Variants in RBFOX1 observed in about 807,000 individuals in gnomAD.
RBFOX1 encodes RNA binding protein fox-1 homolog 1.
In RBFOX1, 8 loss-of-function variants were observed where a neutral mutation model predicts 57.7. The observed-to-expected ratio is 0.14, with a 90% CI of 0.08 to 0.25. The LOEUF (loss-of-function observed/expected upper bound fraction) is 0.25, where lower values mean the gene tolerates loss of function less well. Ranked by LOEUF, RBFOX1 falls within the 10% of genes least tolerant of loss-of-function variation. The probability of loss-of-function intolerance (pLI) is 1.00; values close to 1 mark genes in which losing one functional copy is unlikely to be tolerated. For synonymous variants in RBFOX1, 326 were observed against 222.4 expected (o/e 1.47, Z -4.15); for missense variants, 611 against 548.5 (o/e 1.11, Z -1.14).
At chr16:6,496,378 T>G (rs926764943) in intron 2 of RBFOX1, among the ~76,000 whole-genome samples, 1 of 152,184 alleles carries the variant, frequency 6.6e-6, no homozygotes, top group African/African-American at 2.4e-5. Context: ...GGGAACCTGC[T>G]TTGCGGCAGG....
intron 4 of RBFOX1, among the ~76,000 whole-genome samples, chr16:7,106,078 C>T (rs1286759149): frequency 6.6e-6 from 1 of 152,162 alleles, no homozygotes; most frequent in East Asian, 1.9e-4. Flanking sequence ...TCAGTACCCC[C>T]ACCTCCTGTC....
At chr16:6,642,178 C>G (rs111926633) in intron 2 of RBFOX1, among the ~76,000 whole-genome samples, 2 of 152,164 alleles carry the variant, frequency 1.3e-5, no homozygotes, top group Non-Finnish European at 2.9e-5. Flanking sequence ...TTCCCAGGCT[C>G]GTACTTTCTC....
intron 3 of RBFOX1, among the ~76,000 whole-genome samples, chr16:6,887,803 C>A (rs1208136241): frequency 6.6e-6 from 1 of 152,000 alleles, no homozygotes; most frequent in Non-Finnish European, 1.5e-5. Context: ...GCTGGGTTTA[C>A]AGGCACTCGT....
chr16:6,388,320 T>A (rs1174397057), intron 2 of RBFOX1, among the ~76,000 whole-genome samples: 1 of 152,010 alleles, frequency 6.6e-6, no homozygotes, highest in African/African-American at 2.4e-5. Flanking sequence ...GGTCTGAAGC[T>A]GTTTGCAGCC....
chr16:6,808,672 A>G (rs1293449639), intron 3 of RBFOX1, among the ~76,000 whole-genome samples: 1 of 152,154 alleles, frequency 6.6e-6, no homozygotes, highest in African/African-American at 2.4e-5. Flanking sequence ...AGGCAGAAAA[A>G]TGGTATACAG....
chr16:5,339,470 G>GCTTTTTTCTTTTTTTTTTTT (rs1567354925), intron 1 of RBFOX1, among the ~76,000 whole-genome samples: 1 of 40,854 alleles, frequency 2.4e-5, no homozygotes, highest in Non-Finnish European at 4.5e-5. Context: ...CTTTTTCCGT[G>GCTTTTTTCTTTTTTTTTTTT]TTTTTTTTTT....
At chr16:6,421,835 G>C (rs2093780469) in intron 2 of RBFOX1, among the ~76,000 whole-genome samples, 1 of 151,080 alleles carries the variant, frequency 6.6e-6, no homozygotes, top group Non-Finnish European at 1.5e-5. Context: ...TATGCTAAAA[G>C]ACCTCCCCCC....
At chr16:6,343,352 TGAATA>T (rs2084859689) in intron 2 of RBFOX1, among the ~76,000 whole-genome samples, 1 of 151,808 alleles carries the variant, frequency 6.6e-6, no homozygotes, top group African/African-American at 2.4e-5. Flanking sequence ...TCAAACCTTT[TGAATA>T]GAGGGTCATT....
At chr16:6,559,511 A>G (rs918408568) in intron 2 of RBFOX1, among the ~76,000 whole-genome samples, 2 of 152,084 alleles carry the variant, frequency 1.3e-5, no homozygotes, top group African/African-American at 2.4e-5. Context: ...CATGAATTTC[A>G]TGTTGAGGAA....
chr16:7,124,186 C>T (rs899086343), intron 4 of RBFOX1, among the ~76,000 whole-genome samples: 5 of 152,152 alleles, frequency 3.3e-5, no homozygotes, highest in Admixed American at 1.3e-4. Flanking sequence ...GTAATGACAG[C>T]ACTTCGGGAG....
intron 3 of RBFOX1, among the ~76,000 whole-genome samples, chr16:6,953,151 C>G (rs2081105595): frequency 6.6e-6 from 1 of 152,108 alleles, no homozygotes; most frequent in Admixed American, 6.6e-5. Context: ...CCTCTTTCCA[C>G]TGAAGGAAAA....
intron 2 of RBFOX1, among the ~76,000 whole-genome samples, chr16:6,615,258 A>G (rs1462405485): frequency 6.6e-6 from 1 of 152,160 alleles, no homozygotes; most frequent in African/African-American, 2.4e-5. Flanking sequence ...CTAGAATCTC[A>G]TTCACTGGTG....
rs1481079085 is a variant in RBFOX1, at chr16:5,758,603, G to T, written c.319-108700G>T. On this transcript the variant is annotated intron_variant, in intron 3 of 19. Coordinates refer to the RBFOX1 transcript ENST00000641259. Reference sequence around the variant, plus strand: ...AATGCAAGAATGTAGTGTCTCCATGGAAACTGGAAAGGTACAAAATTAAGA... The same window carrying T: ...AATGCAAGAATGTAGTGTCTCCATGTAAACTGGAAAGGTACAAAATTAAGA... Among the ~76,000 whole-genome samples, 4 of 152,182 alleles carry T rather than the reference G, an allele frequency of 2.6e-5. No individual in the cohort carries two copies. In the South Asian group the frequency reaches 8.3e-4, roughly 32 times the overall value.
At chr16:5,840,215 T>C (rs1028385359) in intron 3 of RBFOX1, among the ~76,000 whole-genome samples, 1 of 152,188 alleles carries the variant, frequency 6.6e-6, no homozygotes, top group Non-Finnish European at 1.5e-5. Flanking sequence ...AGGACCATTT[T>C]CCTTGGCATC....
intron 4 of RBFOX1, among the ~76,000 whole-genome samples, chr16:7,187,421 G>A (rs2084130329): frequency 6.6e-6 from 1 of 151,906 alleles, no homozygotes; most frequent in Admixed American, 6.6e-5. Context: ...CAGGCACGGT[G>A]GCTCACGCCT....
chr16:6,957,855 A>T (rs1252131420), intron 3 of RBFOX1, among the ~76,000 whole-genome samples: 1 of 152,134 alleles, frequency 6.6e-6, no homozygotes, highest in Non-Finnish European at 1.5e-5. Flanking sequence ...ACTTCCTCCT[A>T]GCGTGACAGT....
intron 2 of RBFOX1, among the ~76,000 whole-genome samples, chr16:5,525,728 C>T (rs1213850556): frequency 6.6e-6 from 1 of 152,022 alleles, no homozygotes; most frequent in Non-Finnish European, 1.5e-5. Context: ...GAACTCCTGA[C>T]CTCAGGTGAT....
chr16:5,248,834 C>A (rs911593171), intron 1 of RBFOX1, among the ~76,000 whole-genome samples: 4 of 152,074 alleles, frequency 2.6e-5, no homozygotes, highest in African/African-American at 9.6e-5. Context: ...AATAAAAATA[C>A]AATAATTAGC....
At chr16:7,023,674 T>A (rs2040016372) in intron 3 of RBFOX1, among the ~76,000 whole-genome samples, 1 of 151,500 alleles carries the variant, frequency 6.6e-6, no homozygotes, top group African/African-American at 2.4e-5. Context: ...TCTGCCTAGG[T>A]TATCTCCCTT....
Sources: allele counts gnomAD v4.1 joint callset (sites outside exome capture counted in the v4.1 genomes callset), GRCh38; gene constraint gnomAD v4.1.1; transcripts MANE v1.5; gene names NCBI Gene and HGNC (gene_info 2026-07-23, HGNC 2026-07-21).